The following CPNE8 variants were observed in gnomAD, a reference collection of about 807,000 sequenced individuals.
The protein encoded by CPNE8 is copine-8.
A neutral mutation model predicts 81.5 loss-of-function variants in CPNE8; 45 were observed. That is an observed-to-expected ratio of 0.55 (90% CI 0.44 to 0.71). The LOEUF is 0.71. Among genes scored for constraint, CPNE8 ranks in the 30% least tolerant of loss-of-function variants. The pLI is 0.00. For synonymous variants in CPNE8, 252 were observed against 226.3 expected (o/e 1.11, Z -1.02); for missense variants, 594 against 672.1 (o/e 0.88, Z 1.28).
At chr12:38,755,999 C>CA (rs1245065849) in intron 10 of CPNE8, among the ~76,000 whole-genome samples, 5 of 142,670 alleles carry the variant, frequency 3.5e-5, no homozygotes, top group South Asian at 2.3e-4. Context: ...GAGATCCCGC[C>CA]ACTGCACTCC....
chr12:38,824,850 C>T (rs886932169), intron 6 of CPNE8, among the ~76,000 whole-genome samples: 1 of 152,150 alleles, frequency 6.6e-6, no homozygotes, highest in African/African-American at 2.4e-5. Context: ...ATCACCTAAC[C>T]TCTCACAAAC....
chr12:38,743,449 C>A (rs930289958), intron 10 of CPNE8, among the ~76,000 whole-genome samples: 2 of 151,860 alleles, frequency 1.3e-5, no homozygotes, highest in Non-Finnish European at 2.9e-5. Context: ...CAAAAATGAT[C>A]CAAAATATTT....
chr12:38,857,235 A>C (rs1204063928), intron 3 of CPNE8, among the ~76,000 whole-genome samples: 1 of 152,156 alleles, frequency 6.6e-6, no homozygotes, highest in African/African-American at 2.4e-5. Flanking sequence ...CCTTTACACA[A>C]GAGACACACC....
chr12:38,710,958 A>G (rs1940240675), intron 13 of CPNE8, among the ~76,000 whole-genome samples: 1 of 152,162 alleles, frequency 6.6e-6, no homozygotes, highest in Non-Finnish European at 1.5e-5. Flanking sequence ...TCCTGCTCCC[A>G]GCCCCCAACC....
intron 8 of CPNE8, among the ~76,000 whole-genome samples, chr12:38,764,676 A>C (rs1941649211): frequency 6.6e-6 from 1 of 151,780 alleles, no homozygotes; most frequent in African/African-American, 2.4e-5. Flanking sequence ...GAGGGAAGGC[A>C]GAGCTGTATG....
intron 1 of CPNE8, among the ~76,000 whole-genome samples, chr12:38,893,691 T>G (rs569097622): frequency 6.6e-6 from 1 of 152,340 alleles, no homozygotes; most frequent in East Asian, 1.9e-4. Context: ...TCTTGGTGTC[T>G]GGGTCGGGAG....
At chr12:38,708,848 T>C (rs902273224) in intron 13 of CPNE8, among the ~76,000 whole-genome samples, 1 of 152,208 alleles carries the variant, frequency 6.6e-6, no homozygotes, top group African/African-American at 2.4e-5. Flanking sequence ...CAGCTGTTAT[T>C]TTGAATTAAT....
intron 19 of CPNE8, among the ~76,000 whole-genome samples, chr12:38,662,117 G>A (rs758594094): frequency 2.6e-5 from 4 of 152,002 alleles, no homozygotes; most frequent in African/African-American, 7.3e-5. Flanking sequence ...GCCCATTTTC[G>A]CCACCCTTAT....
At chr12:38,898,084 C>T (rs1273072811) in intron 1 of CPNE8, among the ~76,000 whole-genome samples, 1 of 152,082 alleles carries the variant, frequency 6.6e-6, no homozygotes, top group Non-Finnish European at 1.5e-5. Context: ...CTTGAGTAAA[C>T]TCAAATAGGG....
At position 38,674,671 on chromosome 12, in the gene CPNE8, C is replaced by T. The variant is rs567479735; in HGVS notation, c.1432+1046G>A. ...CTTGCTTTTGAAACTGTAAGATTAT[C>T]ATGCTAGAAAGGATGACCAGCCAAG... On this transcript the variant is annotated intron_variant, in intron 18 of 19. Transcript: ENST00000331366. Among the ~76,000 whole-genome samples, 4 of 152,262 alleles carry T rather than the reference C, an allele frequency of 2.6e-5. No homozygotes were observed. The East Asian group carries it at 5.8e-4, about 22-fold the overall frequency.
chr12:38,861,866 G>A (rs1943841207), intron 3 of CPNE8, among the ~76,000 whole-genome samples: 2 of 151,866 alleles, frequency 1.3e-5, no homozygotes, highest in Admixed American at 1.3e-4. Flanking sequence ...TAGAGTAGTG[G>A]TGAGCATTAC....
chr12:38,874,195 A>G (rs1267292716), intron 2 of CPNE8, among the ~76,000 whole-genome samples: 1 of 152,154 alleles, frequency 6.6e-6, no homozygotes, highest in East Asian at 1.9e-4. Flanking sequence ...TCTTTCAAAT[A>G]TAATAATTTC....
chr12:38,787,448 T>C (rs1419554767), intron 6 of CPNE8, among the ~76,000 whole-genome samples: 2 of 137,998 alleles, frequency 1.4e-5, no homozygotes, highest in East Asian at 4.3e-4. Flanking sequence ...ATACAGAAAA[T>C]GCAGTACTAA....
chr12:38,736,159 G>T (rs981820737), intron 10 of CPNE8, among the ~76,000 whole-genome samples: 1 of 150,864 alleles, frequency 6.6e-6, no homozygotes, highest in Non-Finnish European at 1.5e-5. Flanking sequence ...ATTTTTAAAA[G>T]ATATAATTAT....
At chr12:38,833,530 G>A (rs1373439548) in intron 5 of CPNE8, among the ~76,000 whole-genome samples, 5 of 145,352 alleles carry the variant, frequency 3.4e-5, no homozygotes, top group African/African-American at 1.3e-4. Context: ...CCAGCCTGGA[G>A]TGCAGTGGAG....
At chr12:38,818,111 T>G (rs952882000) in intron 6 of CPNE8, among the ~76,000 whole-genome samples, 1 of 152,172 alleles carries the variant, frequency 6.6e-6, no homozygotes, top group African/African-American at 2.4e-5. Context: ...AGTCAATAGA[T>G]GCAAAGCCAG....
chr12:38,707,416 A>T (rs1024253863), intron 13 of CPNE8, among the ~76,000 whole-genome samples: 1 of 152,106 alleles, frequency 6.6e-6, no homozygotes, highest in Non-Finnish European at 1.5e-5. Context: ...TGTACAATAA[A>T]ACAATGAACT....
chr12:38,874,503 A>G lies in CPNE8; in HGVS notation c.107T>C (p.Leu36Pro), dbSNP rs1348572898. ...VEVSVSCRNL[L>P]DRDTFSKSDP... ...AGATTTAGAAAATGTGTCTCTGTCA[A>G]GAAGATTTCTGTTGAATAAAACAGA... Residue 36 changes from leucine (L) to proline (P), a missense_variant, in exon 2 of 20, where the codon CTT becomes CCT. Coordinates refer to ENST00000331366, the MANE Select transcript of CPNE8 (RefSeq NM_153634.3). The G allele has an allele frequency of 6.2e-7, 1 of 1,607,078 alleles. No homozygotes were observed. The highest frequency in any genetic ancestry group is 2.2e-5 in the East Asian group (1 of 44,726).
At position 38,757,128 on chromosome 12, in the gene CPNE8, C is replaced by A. The variant is rs116004958; in HGVS notation, c.722+3719G>T. On this transcript the variant is annotated intron_variant, in intron 10 of 19. Transcript: ENST00000331366. ...GTTAGTCCAAGTTCTCAAAAAACATCCACTGAGCAAATAATGTTTTTTAAT... is the reference window on the plus strand; with the variant it reads ...GTTAGTCCAAGTTCTCAAAAAACATACACTGAGCAAATAATGTTTTTTAAT... 4.7e-3 allele frequency among the ~76,000 whole-genome samples: 714 copies of A among 152,036 alleles called. 5 individuals carry two copies. The highest frequency in any genetic ancestry group is 0.016 in the African/African-American group (663 of 41,480).
Sources: allele counts gnomAD v4.1 joint callset (sites outside exome capture counted in the v4.1 genomes callset), GRCh38; gene constraint gnomAD v4.1.1; transcripts MANE v1.5; gene names NCBI Gene and HGNC (gene_info 2026-07-23, HGNC 2026-07-21).